The following ITGB6 variants were observed in gnomAD, a reference collection of about 807,000 sequenced individuals.
ITGB6 encodes the protein integrin beta-6.
In ITGB6, 80 loss-of-function variants were observed where a neutral mutation model predicts 84.5. The observed-to-expected ratio is 0.95, with a 90% CI of 0.79 to 1.14. The LOEUF is 1.14. Ranked by LOEUF, ITGB6 falls within the 50% of genes most tolerant of loss-of-function variation. The probability of loss-of-function intolerance (pLI) is 0.00; values close to 1 mark genes in which losing one functional copy is unlikely to be tolerated. For missense variants in ITGB6, 1,006 were observed against 968.0 expected (o/e 1.04, Z -0.52); for synonymous variants, 383 against 354.9 (o/e 1.08, Z -0.89).
intron 7 of ITGB6, among the ~76,000 whole-genome samples, chr2:160,148,655 C>G (rs1684288499): frequency 6.6e-6 from 1 of 152,184 alleles, no homozygotes; most frequent in South Asian, 2.1e-4. Flanking sequence ...CATTGCCTCA[C>G]CCGGGAAGTG....
chr2:160,137,011 C>T (rs1381699450), intron 10 of ITGB6, among the ~76,000 whole-genome samples: 1 of 150,740 alleles, frequency 6.6e-6, no homozygotes, highest in Non-Finnish European at 1.5e-5. Flanking sequence ...CGTAACAAAC[C>T]TGCACATTGT....
At chr2:160,137,343 G>A (rs1408305506) in intron 10 of ITGB6, 91 bp downstream of exon 10, 26 of 1,205,844 alleles carry the variant, frequency 2.2e-5, no homozygotes, top group African/African-American at 3.0e-5. Context: ...AGCACCTACT[G>A]TGCCCAGGAA....
chr2:160,194,789 T>C (rs1686268737), intron 4 of ITGB6, among the ~76,000 whole-genome samples: 1 of 152,190 alleles, frequency 6.6e-6, no homozygotes, highest in Non-Finnish European at 1.5e-5. Context: ...GTGGTTTTAA[T>C]AGCTTATTAT....
At chr2:160,188,607 T>C (rs1686003974) in intron 4 of ITGB6, among the ~76,000 whole-genome samples, 1 of 130,168 alleles carries the variant, frequency 7.7e-6, no homozygotes, top group African/African-American at 2.8e-5. Flanking sequence ...CATTCAATTC[T>C]TTTTTTTTTT....
At chr2:160,162,499 G>A (rs925355454) in intron 7 of ITGB6, among the ~76,000 whole-genome samples, 5 of 152,070 alleles carry the variant, frequency 3.3e-5, no homozygotes, top group African/African-American at 1.2e-4. Flanking sequence ...CCAGAGTTGG[G>A]CAGTTACACA....
chr2:160,122,740 C>G (rs947274569), intron 12 of ITGB6, among the ~76,000 whole-genome samples: 1 of 152,110 alleles, frequency 6.6e-6, no homozygotes, highest in Non-Finnish European at 1.5e-5. Context: ...ATAGGGTAAT[C>G]CAATTGTGCA....
At position 160,197,282 on chromosome 2, in the gene ITGB6, C is replaced by T. The variant is rs547590242; in HGVS notation, c.142-862G>A. On this transcript the variant is annotated intron_variant, in intron 2 of 14. Coordinates refer to ENST00000283249, the MANE Select transcript of ITGB6 (RefSeq NM_000888.5). ...CTGCACTCTAGCCTGGGCGACAGAGCAAGACTCCGTCTCAAAAAAAAAAAG... is the reference window on the plus strand; with the variant it reads ...CTGCACTCTAGCCTGGGCGACAGAGTAAGACTCCGTCTCAAAAAAAAAAAG... Among the ~76,000 whole-genome samples the T allele has an allele frequency of 5.1e-4, 78 of 151,836 alleles. 1 individual carries two copies. Among genetic ancestry groups the T allele is most frequent in the Non-Finnish European group, 5.9e-5 (4 of 67,966 alleles).
At chr2:160,181,060 G>C (rs1007019662) in intron 4 of ITGB6, among the ~76,000 whole-genome samples, 1 of 152,166 alleles carries the variant, frequency 6.6e-6, no homozygotes, top group Non-Finnish European at 1.5e-5. Flanking sequence ...AAACTGGGTG[G>C]CTGTTTGGGC....
At chr2:160,139,042 T>G (rs1683886457) in intron 8 of ITGB6, among the ~76,000 whole-genome samples, 2 of 152,116 alleles carry the variant, frequency 1.3e-5, no homozygotes, top group Non-Finnish European at 1.5e-5. Flanking sequence ...AAAATCAATA[T>G]TGGAATGTAT....
chr2:160,119,777 G>A (rs1385356217), intron 12 of ITGB6, among the ~76,000 whole-genome samples: 2 of 151,738 alleles, frequency 1.3e-5, no homozygotes, highest in Non-Finnish European at 2.9e-5. Context: ...TCTGACAAAG[G>A]GCTAATATCC....
chr2:160,120,266 C>A (rs1196619243), intron 12 of ITGB6, among the ~76,000 whole-genome samples: 1 of 149,522 alleles, frequency 6.7e-6, no homozygotes, highest in Non-Finnish European at 1.5e-5. Flanking sequence ...TGGAACCAAC[C>A]CAAATGTCCA....
At chr2:160,130,825 G>C (rs186316465) in intron 10 of ITGB6, among the ~76,000 whole-genome samples, 1 of 152,164 alleles carries the variant, frequency 6.6e-6, no homozygotes, top group South Asian at 2.1e-4. Flanking sequence ...ATTATTAAAT[G>C]AAAGATGCAT....
chr2:160,198,408 G>A (rs1393013720), intron 2 of ITGB6, among the ~76,000 whole-genome samples: 2 of 152,184 alleles, frequency 1.3e-5, no homozygotes, highest in Non-Finnish European at 2.9e-5. Context: ...AGCTCTTGCT[G>A]CACTTGGTAT....
chr2:160,173,844 T>A, intron 5 of ITGB6, 130 bp downstream of exon 5: 1 of 814,904 alleles, frequency 1.2e-6, no homozygotes, highest in Non-Finnish European at 1.9e-6. Flanking sequence ...TTGTGTATTT[T>A]AAGAAAAATA....
rs1026998142 is a variant in ITGB6, at chr2:160,100,732, T to C, written c.*1004A>G. ...GCTGAAATGTGCAAGTTGGGTTACA[T>C]AGATGGGAAAAGAGTATGTATTAAA... is the stretch of plus-strand genomic sequence containing the variant. On this transcript the variant is annotated 3_prime_UTR_variant, in exon 15 of 15. Coordinates refer to ENST00000283249, the MANE Select transcript of ITGB6 (RefSeq NM_000888.5). 3.9e-5 allele frequency: 6 copies of C among 152,352 alleles called. No individual in the cohort carries two copies. In the South Asian group the frequency reaches 8.3e-4, roughly 21 times the overall value. The allele number at this position is 152,352 out of a possible 1,614,324, so 9.4% of individuals were successfully genotyped here.
chr2:160,107,829 T>G lies in ITGB6; in HGVS notation c.2118A>C (p.Pro706=). 6.2e-7 allele frequency: 1 copy of G among 1,609,892 alleles called. No homozygotes were observed. The highest frequency in any genetic ancestry group is 8.5e-7 in the Non-Finnish European group (1 of 1,177,052). The change falls in exon 14 of 15, where the codon CCA becomes CCC. Residue 706 remains proline, a synonymous_variant. Coordinates refer to ENST00000283249, the MANE Select transcript of ITGB6 (RefSeq NM_000888.5). ...SINEKDCPKP[P]NIPMIMLGVS... ...CCCCTAACATGATCATGGGAATGTT[T>G]GGAGGCTTCGGACAATCTGCAGAAA...
At chr2:160,154,747 C>T (rs1457436082) in intron 7 of ITGB6, among the ~76,000 whole-genome samples, 1 of 151,390 alleles carries the variant, frequency 6.6e-6, no homozygotes. Flanking sequence ...AAACATGATT[C>T]AGAGCTAGAA....
intron 4 of ITGB6, among the ~76,000 whole-genome samples, chr2:160,175,155 C>T (rs529089726): frequency 4.6e-5 from 7 of 152,298 alleles, no homozygotes; most frequent in African/African-American, 1.7e-4. Flanking sequence ...ACATGTGGGG[C>T]CTGGGCCTTG....
intron 12 of ITGB6, among the ~76,000 whole-genome samples, chr2:160,118,235 C>G (rs1352108995): frequency 6.6e-6 from 1 of 152,200 alleles, no homozygotes. Context: ...AAACAAATAT[C>G]CTTGACGAAC....
Sources: allele counts gnomAD v4.1 joint callset (sites outside exome capture counted in the v4.1 genomes callset), GRCh38; gene constraint gnomAD v4.1.1; transcripts MANE v1.5; gene names NCBI Gene and HGNC (gene_info 2026-07-23, HGNC 2026-07-21).